Variants in GRID2 observed in about 807,000 individuals in gnomAD.
GRID2 encodes the protein glutamate receptor ionotropic, delta-2.
GRID2 carries 33 observed loss-of-function variants against 114.8 expected under a neutral mutation model. The ratio of observed to expected loss-of-function variants is 0.29; its 90% CI spans 0.22 to 0.38. The LOEUF (loss-of-function observed/expected upper bound fraction) is 0.38. Among genes scored for constraint, GRID2 ranks in the 10% least tolerant of loss-of-function variants. The pLI, the probability that GRID2 is intolerant of heterozygous loss-of-function variation, is 1.00. For synonymous variants in GRID2, 505 were observed against 449.9 expected (o/e 1.12, Z -1.55); for missense variants, 1,184 against 1,257.7 (o/e 0.94, Z 0.89).
At chr4:93,043,075 T>A (rs1395020069) in intron 2 of GRID2, among the ~76,000 whole-genome samples, 1 of 152,174 alleles carries the variant, frequency 6.6e-6, no homozygotes, top group Non-Finnish European at 1.5e-5. Flanking sequence ...TTATCTTTGC[T>A]AGGCAAGATA....
intron 13 of GRID2, among the ~76,000 whole-genome samples, chr4:93,613,033 A>T: frequency 8.0e-6 from 1 of 125,396 alleles, no homozygotes; most frequent in Non-Finnish European, 1.7e-5. Context: ...TTTTCTCTAA[A>T]CTTCCCTTCT....
At chr4:93,453,355 AGAGAGTGT>A (rs1196405812) in intron 10 of GRID2, among the ~76,000 whole-genome samples, 5 of 112,128 alleles carry the variant, frequency 4.5e-5, no homozygotes, top group African/African-American at 1.6e-4. Flanking sequence ...AGAGAGAGAG[AGAGAGTGT>A]GTGTATTTGT....
At chr4:92,748,249 G>A (rs1737253738) in intron 2 of GRID2, among the ~76,000 whole-genome samples, 1 of 152,092 alleles carries the variant, frequency 6.6e-6, no homozygotes, top group Non-Finnish European at 1.5e-5. Context: ...TTTGGGAAGT[G>A]CCAAAAAACT....
intron 13 of GRID2, among the ~76,000 whole-genome samples, chr4:93,544,345 T>G (rs2149531888): frequency 6.6e-6 from 1 of 152,302 alleles, no homozygotes; most frequent in East Asian, 1.9e-4. Context: ...GTATTTATGA[T>G]ATGTCCTGAT....
intron 1 of GRID2, among the ~76,000 whole-genome samples, chr4:92,422,483 C>T (rs1212053556): frequency 6.6e-6 from 1 of 152,002 alleles, no homozygotes; most frequent in Non-Finnish European, 1.5e-5. Context: ...ATTCAGGAAT[C>T]AGAGATTTTA....
At chr4:92,901,066 T>C (rs1021936703) in intron 2 of GRID2, among the ~76,000 whole-genome samples, 1 of 151,980 alleles carries the variant, frequency 6.6e-6, no homozygotes, top group Non-Finnish European at 1.5e-5. Context: ...ATACAATAAT[T>C]TTTTTTAGCG....
chr4:93,231,403 A>AG (rs1561017677), intron 7 of GRID2, among the ~76,000 whole-genome samples: 2 of 151,680 alleles, frequency 1.3e-5, no homozygotes, highest in Non-Finnish European at 1.5e-5. Flanking sequence ...AAAAAAAAAA[A>AG]AAAGAAATTT....
At chr4:92,529,198 T>C (rs4692973) in intron 1 of GRID2, among the ~76,000 whole-genome samples, 39,257 of 151,802 alleles carry the variant, frequency 0.26, 5,234 homozygotes, top group Middle Eastern at 0.38. Context: ...TTATCATATA[T>C]AGAAAGGACT....
chr4:92,904,936 T>C (rs951379037), intron 2 of GRID2, among the ~76,000 whole-genome samples: 1 of 152,076 alleles, frequency 6.6e-6, no homozygotes, highest in Admixed American at 6.5e-5. Context: ...CTAATTTTAC[T>C]ATCCTTAAAT....
At chr4:92,943,589 A>G (rs1352973296) in intron 2 of GRID2, among the ~76,000 whole-genome samples, 1 of 152,150 alleles carries the variant, frequency 6.6e-6, no homozygotes, top group East Asian at 1.9e-4. Flanking sequence ...CGTCAAAGTC[A>G]TTCTCCATCC....
intron 2 of GRID2, among the ~76,000 whole-genome samples, chr4:92,683,298 C>A (rs77705238): frequency 3.9e-4 from 59 of 150,820 alleles, no homozygotes; most frequent in African/African-American, 1.4e-3. Context: ...GACTCCATAT[C>A]AGAAAAAAAA....
chr4:93,246,374 T>A (rs1748203791), intron 8 of GRID2, among the ~76,000 whole-genome samples: 1 of 151,938 alleles, frequency 6.6e-6, no homozygotes, highest in South Asian at 2.1e-4. Context: ...GATCACGAGG[T>A]CAGGAGATCG....
At chr4:92,433,483 G>T (rs146685975) in intron 1 of GRID2, among the ~76,000 whole-genome samples, 1 of 152,204 alleles carries the variant, frequency 6.6e-6, no homozygotes. Flanking sequence ...TCCTCTGTGG[G>T]TGCCAGCTGA....
chr4:92,905,915 C>T (rs1329841452), intron 2 of GRID2, among the ~76,000 whole-genome samples: 1 of 152,040 alleles, frequency 6.6e-6, no homozygotes, highest in South Asian at 2.1e-4. Flanking sequence ...ACTGAGTTCG[C>T]TCTATAATTA....
At chr4:93,042,233 A>T (rs1253071902) in intron 2 of GRID2, among the ~76,000 whole-genome samples, 1 of 149,264 alleles carries the variant, frequency 6.7e-6, no homozygotes, top group East Asian at 2.0e-4. Context: ...TATATTTTAA[A>T]TAATATATTT....
chr4:93,701,004 A>T (rs1316686314), intron 14 of GRID2, among the ~76,000 whole-genome samples: 1 of 152,148 alleles, frequency 6.6e-6, no homozygotes, highest in Non-Finnish European at 1.5e-5. Context: ...TGTAAAATGA[A>T]CCATAGCAAA....
Position 93,015,484 on chromosome 4 carries a change from C to T in GRID2, c.245-69511C>T, listed in dbSNP as rs375460837. On this transcript the variant is annotated intron_variant, in intron 2 of 15. Transcript: ENST00000282020. Reference sequence around the variant, plus strand: ...ACATTTATAATGCAAATAAAAATAGCAGACAACCTCATAGGGTTGTAGTGA... The same window carrying T: ...ACATTTATAATGCAAATAAAAATAGTAGACAACCTCATAGGGTTGTAGTGA... Among the ~76,000 whole-genome samples, 3 of 152,108 alleles carry T rather than the reference C, an allele frequency of 2.0e-5. No homozygotes were observed. In the East Asian group the frequency reaches 5.8e-4, roughly 29 times the overall value.
chr4:92,968,365 A>G (rs1753288813), intron 2 of GRID2, among the ~76,000 whole-genome samples: 1 of 151,906 alleles, frequency 6.6e-6, no homozygotes, highest in Non-Finnish European at 1.5e-5. Context: ...CCAAGTCATC[A>G]ATTTTACTAT....
At chr4:93,349,007 G>T (rs1009646818) in intron 8 of GRID2, among the ~76,000 whole-genome samples, 7 of 152,060 alleles carry the variant, frequency 4.6e-5, no homozygotes, top group Non-Finnish European at 1.0e-4. Context: ...CTCTCTTGCT[G>T]CTGAAACTGC....
Sources: gnomAD v4.1 joint callset for allele counts (sites outside exome capture counted in the v4.1 genomes callset) on GRCh38, gnomAD v4.1.1 for gene constraint, MANE v1.5 for transcripts, NCBI Gene and HGNC (gene_info 2026-07-23, HGNC 2026-07-21) for gene names.